The following DMD variants were observed in gnomAD, a reference collection of about 807,000 sequenced individuals.
The protein encoded by DMD is dystrophin, also known as mutant dystrophin.
DMD carries 63 observed loss-of-function variants against 330.1 expected under a neutral mutation model. The ratio of observed to expected loss-of-function variants is 0.19; its 90% CI spans 0.16 to 0.24. DMD has a LOEUF of 0.24. Ranked by LOEUF, DMD falls within the 10% of genes least tolerant of loss-of-function variation. The probability of loss-of-function intolerance (pLI) is 1.00; values close to 1 mark genes in which losing one functional copy is unlikely to be tolerated. For synonymous variants in DMD, 1,223 were observed against 959.8 expected (o/e 1.27, Z -5.07); for missense variants, 3,344 against 2,684.1 (o/e 1.25, Z -5.43).
chrX:31,876,544 TA>T (rs2093970067), intron 47 of DMD, among the ~76,000 whole-genome samples: 1 of 110,774 alleles, frequency 9.0e-6, no homozygotes, highest in Admixed American at 9.6e-5. Flanking sequence ...TGCTCAAGCT[TA>T]CATGTAAATA....
chrX:31,878,864 G>A (rs993853760), intron 47 of DMD, among the ~76,000 whole-genome samples: 1 of 112,313 alleles, frequency 8.9e-6, no homozygotes, highest in Non-Finnish European at 1.9e-5. Flanking sequence ...TGCCAAGGCT[G>A]TGGGAAAATG....
intron 1 of DMD, among the ~76,000 whole-genome samples, chrX:33,285,542 A>C (rs757376173): frequency 8.9e-6 from 1 of 112,069 alleles, no homozygotes; most frequent in African/African-American, 3.2e-5. Flanking sequence ...AACACACTAA[A>C]CAAGAGATAT....
intron 52 of DMD, among the ~76,000 whole-genome samples, chrX:31,719,276 A>T (rs1436812623): frequency 3.6e-5 from 4 of 112,328 alleles, no homozygotes; most frequent in Non-Finnish European, 5.6e-5. Context: ...CTAATCCAGA[A>T]ATCAAGAATG....
Position 32,060,963 on chromosome X carries a change from G to A in DMD, c.6439-92449C>T, listed in dbSNP as rs144356306. 3.5e-3 allele frequency among the ~76,000 whole-genome samples: 386 copies of A among 111,065 alleles called. 2 individuals carry two copies. Among genetic ancestry groups the A allele is most frequent in the African/African-American group, 0.012 (364 of 30,621 alleles). ...TCTCTGTGCTCCAGCTTCTTTGCCT[G>A]GAAAATGGGAACGATAATAAAACGC... is the stretch of plus-strand genomic sequence containing the variant. On this transcript the variant is annotated intron_variant, in intron 44 of 78. Coordinates refer to ENST00000357033, the MANE Select transcript of DMD (RefSeq NM_004006.3).
chrX:32,506,011 G>A (rs2044579413), intron 18 of DMD, among the ~76,000 whole-genome samples: 1 of 112,217 alleles, frequency 8.9e-6, no homozygotes, highest in Non-Finnish European at 1.9e-5. Flanking sequence ...GGTTTCTAGA[G>A]ATTAGGAGAG....
At chrX:32,689,516 G>T (rs949310761) in intron 9 of DMD, among the ~76,000 whole-genome samples, 2 of 111,007 alleles carry the variant, frequency 1.8e-5, no homozygotes, top group African/African-American at 6.5e-5. Context: ...AATGCTTCAC[G>T]AACTCTTTGA....
intron 54 of DMD, among the ~76,000 whole-genome samples, chrX:31,636,426 C>T (rs191463857): frequency 1.8e-5 from 2 of 112,037 alleles, no homozygotes; most frequent in East Asian, 5.6e-4. Flanking sequence ...AGTTTTCAAG[C>T]TCCTTTGACA....
rs188337328 is a variant in DMD, at chrX:31,536,257, T to C, written c.8218-28804A>G. ...CTTAGTGGCCTAGGATTGATAATAA[T>C]AAGTAAGCTAATGAACCCAATCCCA... On this transcript the variant is annotated intron_variant, in intron 55 of 78. Transcript: ENST00000357033. 2.3e-4 allele frequency among the ~76,000 whole-genome samples: 26 copies of C among 111,667 alleles called. No homozygotes were observed. The South Asian group carries it at 2.6e-3, about 11-fold the overall frequency.
chrX:32,662,636 ACTC>A (rs2061020373), intron 9 of DMD, among the ~76,000 whole-genome samples: 1 of 111,240 alleles, frequency 9.0e-6, no homozygotes, highest in Non-Finnish European at 1.9e-5. Context: ...ACAACCATAA[ACTC>A]CCAATTATTC....
chrX:31,334,250 T>C, intron 61 of DMD, among the ~76,000 whole-genome samples: 1 of 112,512 alleles, frequency 8.9e-6, no homozygotes, highest in East Asian at 2.8e-4. Flanking sequence ...ATTCATCTTA[T>C]CAGAATGGCT....
At chrX:32,443,617 A>C (rs2098291514) in intron 27 of DMD, among the ~76,000 whole-genome samples, 1 of 111,276 alleles carries the variant, frequency 9.0e-6, no homozygotes, top group Admixed American at 9.6e-5. Flanking sequence ...TTTAACTGTC[A>C]GAATGGATAG....
intron 63 of DMD, among the ~76,000 whole-genome samples, chrX:31,238,232 C>G (rs993058436): frequency 9.0e-6 from 1 of 111,436 alleles, no homozygotes; most frequent in African/African-American, 3.3e-5. Context: ...TTTGGATTGC[C>G]TCCTACTTCA....
At chrX:32,865,001 T>G (rs897906820) in intron 2 of DMD, among the ~76,000 whole-genome samples, 2 of 111,690 alleles carry the variant, frequency 1.8e-5, no homozygotes, top group Non-Finnish European at 3.8e-5. Context: ...AGATTCGGTG[T>G]AGTTGTAAGT....
chrX:31,384,900 G>T (rs1414392292), intron 60 of DMD, among the ~76,000 whole-genome samples: 1 of 112,506 alleles, frequency 8.9e-6, no homozygotes. Context: ...TGCGTAGGAT[G>T]TCTGTATTAG....
intron 7 of DMD, among the ~76,000 whole-genome samples, chrX:32,712,769 G>T (rs1385982066): frequency 9.0e-6 from 1 of 111,085 alleles, no homozygotes; most frequent in East Asian, 2.8e-4. Flanking sequence ...CTGTTTAATG[G>T]TCTTTCACAA....
At chrX:32,647,567 G>T (rs2059860911) in intron 9 of DMD, among the ~76,000 whole-genome samples, 1 of 111,534 alleles carries the variant, frequency 9.0e-6, no homozygotes. Flanking sequence ...CACTTATGCT[G>T]AAATTGATGA....
chrX:31,228,357 G>A (rs1428574408), intron 63 of DMD, among the ~76,000 whole-genome samples: 6 of 110,513 alleles, frequency 5.4e-5, no homozygotes, highest in Non-Finnish European at 1.1e-4. Context: ...ATGTATATCT[G>A]GTAACTGTCA....
chrX:32,897,473 T>C (rs1360892064), intron 2 of DMD, among the ~76,000 whole-genome samples: 1 of 111,570 alleles, frequency 9.0e-6, no homozygotes, highest in Admixed American at 9.5e-5. Context: ...TAGTTTTAGG[T>C]AGGAGGGTTC....
At chrX:31,788,392 C>T (rs1397766100) in intron 50 of DMD, among the ~76,000 whole-genome samples, 1 of 111,741 alleles carries the variant, frequency 8.9e-6, no homozygotes, top group Non-Finnish European at 1.9e-5. Flanking sequence ...ATATTTAAAC[C>T]TTGTTTACAC....
Sources: gnomAD v4.1 joint callset for allele counts (sites outside exome capture counted in the v4.1 genomes callset) on GRCh38, gnomAD v4.1.1 for gene constraint, MANE v1.5 for transcripts, NCBI Gene and HGNC (gene_info 2026-07-23, HGNC 2026-07-21) for gene names.